PTPRN2: variants seen among roughly 807,000 people sequenced by gnomAD.
PTPRN2 encodes the protein protein tyrosine phosphatase receptor type N2.
In PTPRN2, 74 loss-of-function variants were observed where a neutral mutation model predicts 118.8. That is an observed-to-expected ratio of 0.62 (90% confidence interval 0.52 to 0.76). PTPRN2 has a LOEUF of 0.76. Ranked by LOEUF, PTPRN2 falls within the 30% of genes least tolerant of loss-of-function variation. The pLI, the probability that PTPRN2 is intolerant of heterozygous loss-of-function variation, is 0.00. For synonymous variants in PTPRN2, 641 were observed against 608.0 expected, an observed-to-expected ratio of 1.05 and a Z score of -0.80; for missense variants, 1,481 against 1,394.4, an observed-to-expected ratio of 1.06 and a Z score of -0.99.
intron 2 of PTPRN2, among the ~76,000 whole-genome samples, chr7:158,324,082 GAC>G (rs1445755509): frequency 6.6e-6 from 1 of 150,764 alleles, no homozygotes; most frequent in Admixed American, 6.6e-5. Context: ...CACACACCCA[GAC>G]ACACTAACTC....
chr7:157,889,871 T>G (rs1796697666), intron 12 of PTPRN2, among the ~76,000 whole-genome samples: 1 of 152,232 alleles, frequency 6.6e-6, no homozygotes, highest in Non-Finnish European at 1.5e-5. Context: ...TCGTCATTCT[T>G]CTGCTGCCAC....
At chr7:157,812,312 C>T (rs752244933) in intron 12 of PTPRN2, among the ~76,000 whole-genome samples, 6 of 152,150 alleles carry the variant, frequency 3.9e-5, no homozygotes, top group South Asian at 2.1e-4. Context: ...GGAGGGGTTC[C>T]GCTGCCCTTC....
chr7:158,302,439 C>T (rs1392307634), intron 3 of PTPRN2, among the ~76,000 whole-genome samples: 1 of 152,258 alleles, frequency 6.6e-6, no homozygotes, highest in Non-Finnish European at 1.5e-5. Context: ...AGGATCAGCT[C>T]GGTCCTCTTA....
intron 3 of PTPRN2, among the ~76,000 whole-genome samples, chr7:158,314,114 G>A (rs1418127830): frequency 1.3e-5 from 2 of 152,178 alleles, no homozygotes; most frequent in Non-Finnish European, 2.9e-5. Context: ...ACAGAAACGT[G>A]ATGATGTTCA....
intron 12 of PTPRN2, among the ~76,000 whole-genome samples, chr7:157,887,445 C>T (rs1326855802): frequency 2.7e-5 from 3 of 112,964 alleles, no homozygotes; most frequent in Non-Finnish European, 5.4e-5. Flanking sequence ...CCCCCAGTAC[C>T]CACTTCCTCC....
intron 12 of PTPRN2, among the ~76,000 whole-genome samples, chr7:157,895,693 G>C (rs1300914029): frequency 2.0e-5 from 3 of 151,474 alleles, no homozygotes; most frequent in East Asian, 3.9e-4. Flanking sequence ...GGGAGGGAGA[G>C]GTGAAGGCGC....
rs138349636 is a variant in PTPRN2, at chr7:158,317,472, A to T, written c.164-540T>A. Reference sequence around the variant, plus strand: ...CGGGGCTGGCGAACGGTGTGGGACTAATGGGGACTAATTTATTTAGCTCGA... The same window carrying T: ...CGGGGCTGGCGAACGGTGTGGGACTTATGGGGACTAATTTATTTAGCTCGA... On this transcript the variant is annotated intron_variant, in intron 2 of 22. Coordinates refer to ENST00000389418, the MANE Select transcript of PTPRN2 (RefSeq NM_002847.5). Among the ~76,000 whole-genome samples the T allele has an allele frequency of 7.1e-3, 1,085 of 152,336 alleles. 8 individuals carry two copies. Among genetic ancestry groups the T allele is most frequent in the Middle Eastern group, 0.014 (4 of 294 alleles).
chr7:158,416,560 G>C (rs1419648947), intron 2 of PTPRN2, among the ~76,000 whole-genome samples: 1 of 152,194 alleles, frequency 6.6e-6, no homozygotes, highest in Non-Finnish European at 1.5e-5. Flanking sequence ...CTCCCAGGGA[G>C]AAACCAAACA....
Position 158,167,065 on chromosome 7 carries a change from C to T in PTPRN2, c.776G>A (p.Gly259Glu), listed in dbSNP as rs533864061. The T allele has an allele frequency of 6.3e-7, 1 of 1,592,020 alleles. No individual in the cohort carries two copies. Among genetic ancestry groups the T allele is most frequent in the Admixed American group, 1.8e-5 (1 of 56,846 alleles). The change falls in exon 6 of 23, where the codon GGG (glycine) becomes GAG (glutamate). Residue 259 changes from glycine (G) to glutamate (E), a missense_variant. Physicochemically the swap from Gly to Glu is moderately conservative, Grantham distance 98. This residue lies in a region of PTPRN2 where 1,115 missense variants were observed against 994.2 expected (regional missense o/e 1.12). Coordinates refer to ENST00000389418, the MANE Select transcript of PTPRN2 (RefSeq NM_002847.5). ...GTACTGTGGCTCCAGGCTGCCCTCCCCGGGGGGAGCTGGGGGCCTCTGGGC... is the reference window on the plus strand; with the variant it reads ...GTACTGTGGCTCCAGGCTGCCCTCCTCGGGGGGAGCTGGGGGCCTCTGGGC... ...YAAQRPPAPP[G>E]EGSLEPQYLL...
chr7:158,328,577 G>A (rs1803843080), intron 2 of PTPRN2, among the ~76,000 whole-genome samples: 1 of 152,212 alleles, frequency 6.6e-6, no homozygotes, highest in South Asian at 2.1e-4. Flanking sequence ...TGCACCCACA[G>A]CGGGAGCCTC....
intron 14 of PTPRN2, among the ~76,000 whole-genome samples, chr7:157,639,512 T>C (rs749760937): frequency 6.6e-6 from 1 of 152,238 alleles, no homozygotes; most frequent in Non-Finnish European, 1.5e-5. Flanking sequence ...CACAGACACG[T>C]AGAATGCTGG....
chr7:158,379,390 A>G (rs1563221233), intron 2 of PTPRN2, among the ~76,000 whole-genome samples: 1 of 152,000 alleles, frequency 6.6e-6, no homozygotes, highest in African/African-American at 2.4e-5. Flanking sequence ...AGACAGGAAC[A>G]GAGGAGGGGA....
At chr7:158,359,434 C>T (rs778956575) in intron 2 of PTPRN2, among the ~76,000 whole-genome samples, 8 of 152,172 alleles carry the variant, frequency 5.3e-5, no homozygotes, top group Non-Finnish European at 1.0e-4. Context: ...CACCCAGGCA[C>T]TCCGCTCGGC....
intron 12 of PTPRN2, among the ~76,000 whole-genome samples, chr7:157,749,954 T>C (rs2952647): frequency 0.034 from 4,211 of 124,018 alleles, 338 homozygotes; most frequent in Admixed American, 0.089. Flanking sequence ...CTGAGGCCTG[T>C]GTCCCCGAGC....
intron 12 of PTPRN2, among the ~76,000 whole-genome samples, chr7:157,867,955 GCCTGCGCCAGCCCAAGCTGC>G: frequency 6.6e-6 from 1 of 152,296 alleles, no homozygotes; most frequent in Admixed American, 6.5e-5. Context: ...GGGGCACCGT[GCCTGCGCCAGCCCAAGCTGC>G]CCAGACTTCC....
At chr7:157,608,046 A>T (rs1802107606) in intron 15 of PTPRN2, among the ~76,000 whole-genome samples, 2 of 152,174 alleles carry the variant, frequency 1.3e-5, no homozygotes, top group African/African-American at 4.8e-5. Context: ...TTGTGTCAAC[A>T]TATTGCTTTT....
At position 157,585,552 on chromosome 7, in the gene PTPRN2, C is replaced by T. The variant is rs1172112159; in HGVS notation, c.2497-7412G>A. On this transcript the variant is annotated intron_variant, in intron 17 of 22. Transcript: ENST00000389418. This position sits in a 1 kb window ranked among gnomAD's most constrained non-coding sequence, Gnocchi z 5.2. Reference sequence around the variant, plus strand: ...TGCCTTTGTGATCAGGCATTGGACCCGCACAGGAAGTCACCTGGCACAGGC... The same window carrying T: ...TGCCTTTGTGATCAGGCATTGGACCTGCACAGGAAGTCACCTGGCACAGGC... 1.3e-5 allele frequency among the ~76,000 whole-genome samples: 2 copies of T among 152,190 alleles called. No individual in the cohort carries two copies. Among genetic ancestry groups the T allele is most frequent in the Admixed American group, 6.5e-5 (1 of 15,276 alleles).
intron 12 of PTPRN2, among the ~76,000 whole-genome samples, chr7:157,683,681 G>T (rs529179586): frequency 6.6e-6 from 1 of 152,272 alleles, no homozygotes; most frequent in South Asian, 2.1e-4. Context: ...GAGGGCGGGG[G>T]TAGGGCTGGT....
intron 9 of PTPRN2, among the ~76,000 whole-genome samples, chr7:158,114,844 G>C (rs1816596780): frequency 6.6e-6 from 1 of 152,156 alleles, no homozygotes; most frequent in Admixed American, 6.5e-5. Flanking sequence ...GGCAGACGCA[G>C]GGATGGAAAC....
Sources: allele counts gnomAD v4.1 joint callset (sites outside exome capture counted in the v4.1 genomes callset), GRCh38; gene constraint gnomAD v4.1.1; regional missense constraint gnomAD v4.1.1; non-coding constraint Gnocchi (gnomAD v3.1); transcripts MANE v1.5; gene names NCBI Gene and HGNC (gene_info 2026-07-23, HGNC 2026-07-21).